Variants in SBF1 observed in about 807,000 individuals in gnomAD.
The protein encoded by SBF1 is SET binding factor 1.
Under a neutral mutation model 215.8 loss-of-function variants are expected in SBF1, and 65 were observed. That is an observed-to-expected ratio of 0.30 (90% confidence interval 0.25 to 0.37). The LOEUF is 0.37. Among genes scored for constraint, SBF1 ranks in the 10% least tolerant of loss-of-function variants. The pLI is 1.00. For missense variants in SBF1, 2,634 were observed against 2,667.8 expected, an observed-to-expected ratio of 0.99 and a Z score of 0.28; for synonymous variants, 1,410 against 1,122.8, an observed-to-expected ratio of 1.26 and a Z score of -5.11.
chr22:50,456,417 C>A (rs2148573636), intron 30 of SBF1, 22 bp from the exon 31 acceptor site: 4 of 1,608,846 alleles, frequency 2.5e-6, no homozygotes, highest in Non-Finnish European at 3.4e-6. Flanking sequence ...CCGGACAAGT[C>A]CCGTGAGACA....
chr22:50,460,129 G>A lies in SBF1; in HGVS notation c.3314C>T (p.Thr1105Ile), dbSNP rs755903616. The A allele has an allele frequency of 8.7e-6, 14 of 1,612,632 alleles. No homozygotes were observed. The highest frequency in any genetic ancestry group is 1.7e-4 in the Middle Eastern group (1 of 6,060). Residue 1105 changes from threonine to isoleucine, a missense_variant, in exon 26 of 41, where the codon ACC becomes ATC. Coordinates refer to ENST00000380817, the MANE Select transcript of SBF1 (RefSeq NM_002972.4). Reference protein sequence around the residue: ...VSEELEPSTLTPSSALKPSDR... With the variant: ...VSEELEPSTLIPSSALKPSDR... ...GGAGGGCTTCAGGGCTGAGGACGGG[G>A]TCAGCGTGCTGGGCTCCAGCTCCTC...
At chr22:50,458,229 T>C (rs1442179897) in intron 28 of SBF1, among the ~76,000 whole-genome samples, 2 of 140,104 alleles carry the variant, frequency 1.4e-5, no homozygotes, top group African/African-American at 5.4e-5. Flanking sequence ...GGCGTGAACC[T>C]GGGAGGTGGA....
In SBF1 at chr22:50,461,304, A is replaced by G; in HGVS notation, c.2840-18T>C. 2 of 1,488,000 alleles carry G rather than the reference A, an allele frequency of 1.3e-6. No individual in the cohort carries two copies. Among genetic ancestry groups the G allele is most frequent in the Non-Finnish European group, 1.8e-6 (2 of 1,095,500 alleles). The allele number at this position is 1,488,000 out of a possible 1,614,324, so 92.2% of individuals were successfully genotyped here. ...CTCCCCAACTTAGGACAGGCCAGGC[A>G]GAGTCAGAAGCAAGGAAGGTAAGGG... On this transcript the variant is annotated intron_variant, in intron 22 of 40. Coordinates refer to ENST00000380817, the MANE Select transcript of SBF1 (RefSeq NM_002972.4).
At position 50,464,323 on chromosome 22, in the gene SBF1, C is replaced by T; in HGVS notation, c.1749+6G>A. On this transcript the variant is annotated splice_donor_region_variant and intron_variant, in intron 15 of 40. Transcript: ENST00000380817. ...CTGGCCCGGCTGGAGCCTGCACAGCCCTCACCTTCTTGGCCTCAAGCATTT... is the reference window on the plus strand; with the variant it reads ...CTGGCCCGGCTGGAGCCTGCACAGCTCTCACCTTCTTGGCCTCAAGCATTT... The T allele has an allele frequency of 1.3e-6, 2 of 1,576,834 alleles. No individual in the cohort carries two copies. Among genetic ancestry groups the T allele is most frequent in the Non-Finnish European group, 8.7e-7 (1 of 1,146,858 alleles).
intron 29 of SBF1, 83 bp downstream of exon 29, chr22:50,456,951 A>G (rs2067278273): frequency 1.7e-6 from 2 of 1,147,064 alleles, no homozygotes; most frequent in Non-Finnish European, 2.3e-6. Context: ...GGGAGACATT[A>G]GTGCCCGCAA....
chr22:50,459,011 G>A (rs1276622963), intron 28 of SBF1, among the ~76,000 whole-genome samples: 1 of 152,218 alleles, frequency 6.6e-6, no homozygotes, highest in Non-Finnish European at 1.5e-5. Context: ...CAGAGGTGGA[G>A]AGCGGGCAGG....
chr22:50,454,881 T>C lies in SBF1; in HGVS notation c.4745A>G (p.Tyr1582Cys). The C allele has an allele frequency of 6.2e-7, 1 of 1,614,060 alleles. No homozygotes were observed. ...GQVPCRSVWE[Y>C]VDRLSKRTPV... ...CGTCCTCTTGCTCAGCCGGTCCACA[T>C]ACTCCCACACAGACCTGCACGGCAC... Residue 1582 changes from tyrosine (Y) to cysteine (C), a missense_variant, in exon 35 of 41, where the codon TAT becomes TGT. Coordinates refer to ENST00000380817, the MANE Select transcript of SBF1 (RefSeq NM_002972.4).
At chr22:50,451,238 G>C (rs933107755) in intron 36 of SBF1, among the ~76,000 whole-genome samples, 1 of 151,176 alleles carries the variant, frequency 6.6e-6, no homozygotes, top group Admixed American at 6.6e-5. Flanking sequence ...CAACTCAAGA[G>C]GCTGAATGAA....
Position 50,464,635 on chromosome 22 carries a change from G to A in SBF1, c.1535C>T (p.Thr512Ile). ...AGCCTGGTCCACGATCCACTGCACG[G>A]TGCCCTCATCCAGCCGGGGGAAGGG... ...PRPFPRLDEG[T>I]VQWIVDQAAA... is the part of the protein sequence containing the mutation. The change falls in exon 14 of 41, where the codon ACC becomes ATC. Residue 512 changes from threonine (T) to isoleucine (I), a missense_variant. Coordinates refer to ENST00000380817, the MANE Select transcript of SBF1 (RefSeq NM_002972.4). 1 of 1,610,348 alleles carries A rather than the reference G, an allele frequency of 6.2e-7. No individual in the cohort carries two copies. The highest frequency in any genetic ancestry group is 8.5e-7 in the Non-Finnish European group (1 of 1,179,828).
chr22:50,447,311 C>T lies in SBF1; in HGVS notation c.5583+11G>A. On this transcript the variant is annotated intron_variant, in intron 40 of 40. Coordinates refer to ENST00000380817, the MANE Select transcript of SBF1 (RefSeq NM_002972.4). ...GCCCCTCCCCTCTCCCAAGCCCCGG[C>T]CAAGGCTCACGTCAAAGAAGGCCTT... 1 of 1,613,606 alleles carries T rather than the reference C, an allele frequency of 6.2e-7. No homozygotes were observed. Among genetic ancestry groups the T allele is most frequent in the Middle Eastern group, 1.7e-4 (1 of 6,058 alleles).
chr22:50,459,752 C>G (rs1603432192), intron 26 of SBF1, 86 bp from the exon 27 acceptor site: 2 of 1,411,626 alleles, frequency 1.4e-6, no homozygotes, highest in East Asian at 2.4e-5. Flanking sequence ...GGAGCCAGCC[C>G]ATGGCTCCCA....
At position 50,465,298 on chromosome 22, in the gene SBF1, G is replaced by T; in HGVS notation, c.1120C>A (p.Leu374Met). 1 of 1,605,496 alleles carries T rather than the reference G, an allele frequency of 6.2e-7. No homozygotes were observed. The highest frequency in any genetic ancestry group is 8.5e-7 in the Non-Finnish European group (1 of 1,176,886). Reference protein sequence around the residue: ...DKELRAVFLRLFAQLLQGYRW... With the variant: ...DKELRAVFLRMFAQLLQGYRW... Reference sequence around the variant, plus strand: ...TAGCCCTGCAGCAGCTGAGCGAACAGCCGCAGGAAGACCGCGCGCAGCTCC... The same window carrying T: ...TAGCCCTGCAGCAGCTGAGCGAACATCCGCAGGAAGACCGCGCGCAGCTCC... Residue 374 changes from leucine (L) to methionine (M), a missense_variant, in exon 11 of 41, where the codon CTG becomes ATG. Coordinates refer to ENST00000380817, the MANE Select transcript of SBF1 (RefSeq NM_002972.4).
rs201776298 is a variant in SBF1 at position 50,466,179 on chromosome 22, C to T, written c.868G>A (p.Ala290Thr). Reference sequence around the variant, plus strand: ...TCCTGGGTCTCTGCCTGGAAGGCCGCGTTGACCCCAATGATGAAGGGCGTG... The same window carrying T: ...TCCTGGGTCTCTGCCTGGAAGGCCGTGTTGACCCCAATGATGAAGGGCGTG... ...TPTPFIIGVN[A>T]AFQAETQELL... Residue 290 changes from alanine (A) to threonine (T), a missense_variant, in exon 8 of 41, where the codon GCG becomes ACG. Transcript: ENST00000380817. 4,790 of 1,613,494 alleles carry T rather than the reference C, an allele frequency of 3.0e-3. 14 individuals carry two copies. The highest frequency in any genetic ancestry group is 3.5e-3 in the Non-Finnish European group (4,082 of 1,180,028).
In SBF1 at chr22:50,460,151, C is replaced by A. The variant is rs1420541741; in HGVS notation, c.3292G>T (p.Glu1098Ter). 1.9e-6 allele frequency: 3 copies of A among 1,611,362 alleles called. No individual in the cohort carries two copies. The African/African-American group carries it at 4.0e-5, about 22-fold the overall frequency. The change falls in exon 26 of 41, where the codon GAG becomes TAG. Residue 1098 changes from glutamate (E) to a stop codon, truncating the protein, a stop_gained. Transcript: ENST00000380817. LOFTEE classifies it high-confidence loss of function. ...GGGGTCAGCGTGCTGGGCTCCAGCT[C>A]CTCCGACACTGCACAGGCCGGGCAC... ...DQEDEISVSE[E>*]LEPSTLTPSS... is the part of the protein sequence containing the mutation.
intron 23 of SBF1, 113 bp downstream of exon 23, chr22:50,461,043 TAAC>T: frequency 7.4e-7 from 1 of 1,347,966 alleles, no homozygotes. Context: ...CATGCAAGCG[TAAC>T]AACAGGGCCA....
At chr22:50,461,105 C>T (rs2067489335) in intron 23 of SBF1, 54 bp downstream of exon 23, 4 of 1,538,082 alleles carry the variant, frequency 2.6e-6, no homozygotes, top group Non-Finnish European at 3.5e-6. Flanking sequence ...GACCGGTTTG[C>T]AGGAGAAAGA....
rs749112138 is a variant in SBF1 at position 50,465,124 on chromosome 22, G to C, written c.1209C>G (p.Ala403=). Reference sequence around the variant, plus strand: ...CTACCAGCCCACGCTGGCCCAGGAAGGCTGCCTGGATGACAGAAGGAGGTC... The same window carrying C: ...CTACCAGCCCACGCTGGCCCAGGAACGCTGCCTGGATGACAGAAGGAGGTC... ...PEPVIRFHKA[A]FLGQRGLVED... The change falls in exon 12 of 41, where the codon GCC becomes GCG. Residue 403 remains alanine, a synonymous_variant. Transcript: ENST00000380817. 6.2e-7 allele frequency: 1 copy of C among 1,614,032 alleles called. No homozygotes were observed. Among genetic ancestry groups the C allele is most frequent in the South Asian group, 1.1e-5 (1 of 91,048 alleles).
rs761040607 is a variant in SBF1 at position 50,467,602 on chromosome 22, G to A, written c.368C>T (p.Pro123Leu). 9.9e-6 allele frequency: 16 copies of A among 1,614,006 alleles called. No homozygotes were observed. The highest frequency in any genetic ancestry group is 3.3e-5 in the Admixed American group (2 of 59,994). The stretch of plus-strand genomic sequence containing the variant: ...CTTCGGTGCAAACAGCTGGGCAGAT[G>A]GGGCAGGTGCTGTGGGAGACAGGTG... Reference protein sequence around the residue: ...QTHLSPTAPAPSAQLFAPKTL... With the variant: ...QTHLSPTAPALSAQLFAPKTL... Residue 123 changes from proline (P) to leucine (L), a missense_variant, in exon 4 of 41, where the codon CCA becomes CTA. Coordinates refer to ENST00000380817, the MANE Select transcript of SBF1 (RefSeq NM_002972.4).
chr22:50,448,118 T>C (rs937167294), intron 38 of SBF1, 115 bp downstream of exon 38: 25 of 932,890 alleles, frequency 2.7e-5, no homozygotes, highest in Non-Finnish European at 4.0e-5. Flanking sequence ...CCAGTGGTGG[T>C]GTATACTTAA....
Sources: gnomAD v4.1 joint callset for allele counts (sites outside exome capture counted in the v4.1 genomes callset) on GRCh38, gnomAD v4.1.1 for gene constraint, MANE v1.5 for transcripts, NCBI Gene and HGNC (gene_info 2026-07-23, HGNC 2026-07-21) for gene names.